The following ATP6V1C2 variants were observed in gnomAD, a reference collection of about 807,000 sequenced individuals.
ATP6V1C2 encodes V-type proton ATPase subunit C 2.
In ATP6V1C2, 45 loss-of-function variants were observed where a neutral mutation model predicts 56.8. That is an observed-to-expected ratio of 0.79 (90% CI 0.62 to 1.02). The LOEUF is 1.02. Among genes scored for constraint, ATP6V1C2 ranks in the 50% least tolerant of loss-of-function variants. The pLI is 0.00. For missense variants in ATP6V1C2, 463 were observed against 519.7 expected (o/e 0.89, Z 1.06); for synonymous variants, 220 against 201.3 (o/e 1.09, Z -0.79).
chr2:10,755,796 G>A (rs1374062191), intron 4 of ATP6V1C2, among the ~76,000 whole-genome samples: 7 of 152,108 alleles, frequency 4.6e-5, no homozygotes, highest in Non-Finnish European at 5.9e-5. Flanking sequence ...TTCAATTGCC[G>A]TCCAGTAAAA....
intron 5 of ATP6V1C2, among the ~76,000 whole-genome samples, chr2:10,764,842 A>G (rs1198841): frequency 1 from 151,464 of 152,216 alleles, 75,366 homozygotes; most frequent in Middle Eastern, 1. Context: ...GTGGTGGCGC[A>G]CACCTGTAGT....
At chr2:10,754,214 C>A in intron 4 of ATP6V1C2, 148 bp downstream of exon 4, 1 of 577,506 alleles carries the variant, frequency 1.7e-6, no homozygotes, top group Non-Finnish European at 3.1e-6. Flanking sequence ...AGGCTCTGCA[C>A]TTGCTTTTAT....
chr2:10,723,837 CAAAAA>C (rs145669254), intron 2 of ATP6V1C2, among the ~76,000 whole-genome samples: 23 of 122,942 alleles, frequency 1.9e-4, no homozygotes, highest in Non-Finnish European at 3.4e-4. Flanking sequence ...GACTCTGTCT[CAAAAA>C]AAAAAAAAAA....
At chr2:10,745,041 C>CTTTTTTTTTTTTTTTTTTTTT (rs5829274) in intron 3 of ATP6V1C2, among the ~76,000 whole-genome samples, 4 of 113,312 alleles carry the variant, frequency 3.5e-5, no homozygotes, top group East Asian at 2.6e-4. Context: ...TATTTATTTT[C>CTTTTTTTTTTTTTTTTTTTTT]TTTTTTTTTT....
At chr2:10,781,831 C>T (rs187575194) in intron 12 of ATP6V1C2, among the ~76,000 whole-genome samples, 1 of 152,326 alleles carries the variant, frequency 6.6e-6, no homozygotes, top group African/African-American at 2.4e-5. Context: ...TTCTATCTAC[C>T]CAAAAACTCA....
intron 2 of ATP6V1C2, among the ~76,000 whole-genome samples, chr2:10,725,462 G>T (rs1180207243): frequency 1.4e-5 from 2 of 146,446 alleles, no homozygotes; most frequent in Non-Finnish European, 1.5e-5. Context: ...GGGAGGAAAG[G>T]AAAAGCTGCC....
rs557868002 is a variant in ATP6V1C2 at position 10,771,793 on chromosome 2, C to G, written c.471-46C>G. 1.3e-4 allele frequency: 199 copies of G among 1,502,380 alleles called. 2 individuals are homozygous for G. The South Asian group carries it at 2.2e-3, about 16-fold the overall frequency. The allele number at this position is 1,502,380 out of a possible 1,614,324, so 93.1% of individuals were successfully genotyped here. A position where few individuals can be genotyped will look rare whatever the true frequency, so the allele number is the denominator to read the frequency against. Reference sequence around the variant, plus strand: ...GGGTGTGTGTGGGGTCACTGTGTCCCTTTCTGCTCACATCTTTCACACCCT... The same window carrying G: ...GGGTGTGTGTGGGGTCACTGTGTCCGTTTCTGCTCACATCTTTCACACCCT... On this transcript the variant is annotated intron_variant, in intron 6 of 13. Coordinates refer to ENST00000272238, the MANE Select transcript of ATP6V1C2 (RefSeq NM_001039362.2).
chr2:10,776,885 GTC>G (rs1272785750), intron 10 of ATP6V1C2, among the ~76,000 whole-genome samples: 2 of 152,228 alleles, frequency 1.3e-5, no homozygotes, highest in Non-Finnish European at 1.5e-5. Context: ...CCCTGCCAGG[GTC>G]TCTCTGTGGG....
rs778338798 is a variant in ATP6V1C2 at position 10,783,241 on chromosome 2, T to C, written c.1262T>C (p.Ile421Thr). 8.1e-6 allele frequency: 13 copies of C among 1,613,540 alleles called. No homozygotes were observed. The highest frequency in any genetic ancestry group is 2.2e-5 in the East Asian group (1 of 44,886). Reference sequence around the variant, plus strand: ...TATTTTCCTTATGTCTACTTCCATATTGACCTTAGTCTTCTTGACTAGAAA... The same window carrying C: ...TATTTTCCTTATGTCTACTTCCATACTGACCTTAGTCTTCTTGACTAGAAA... ...QDYFPYVYFHIDLSLLD is the reference protein window; with the variant it reads ...QDYFPYVYFHTDLSLLD Residue 421 changes from isoleucine (I) to threonine (T), a missense_variant, in exon 14 of 14, where the codon ATT becomes ACT. Physicochemically the swap from Ile to Thr is moderately conservative, Grantham distance 89. Transcript: ENST00000272238.
In ATP6V1C2 at chr2:10,774,831, C is replaced by G. The variant is rs1440651862; in HGVS notation, c.682C>G (p.Leu228Val). 8 of 1,614,098 alleles carry G rather than the reference C, an allele frequency of 5.0e-6. No homozygotes were observed. Among genetic ancestry groups the G allele is most frequent in the Non-Finnish European group, 6.8e-6 (8 of 1,180,048 alleles). The change falls in exon 9 of 14, where the codon CTG becomes GTG. Residue 228 changes from leucine to valine, a missense_variant. Leu to Val is a conservative substitution (Grantham distance 32). Coordinates refer to ENST00000272238, the MANE Select transcript of ATP6V1C2 (RefSeq NM_001039362.2). ...GGAAGGGGGCCTTTTCACTGTGACT[C>G]TGTTTCGAAAAGTGATTGAAGATTT... ...DKEGGLFTVT[L>V]FRKVIEDFKT...
In ATP6V1C2 at chr2:10,754,004, G is replaced by A. The variant is rs1663372251; in HGVS notation, c.221G>A (p.Ser74Asn). 4.4e-6 allele frequency: 7 copies of A among 1,607,842 alleles called. No individual in the cohort carries two copies. The highest frequency in any genetic ancestry group is 5.9e-6 in the Non-Finnish European group (7 of 1,176,530). Residue 74 changes from serine to asparagine, a missense_variant, in exon 4 of 14, where the codon AGC becomes AAC. Ser to Asn is a conservative substitution (Grantham distance 46, BLOSUM62 1). Coordinates refer to ENST00000272238, the MANE Select transcript of ATP6V1C2 (RefSeq NM_001039362.2). ...AGCCTCATAAGGAGAATGGCTCAGA[G>A]CGTGGTGGAAGTCATGGAGGACTCA... ...AESLIRRMAQ[S>N]VVEVMEDSKG... is the part of the protein sequence containing the mutation.
intron 3 of ATP6V1C2, among the ~76,000 whole-genome samples, chr2:10,731,256 A>G (rs1368620415): frequency 2.0e-5 from 3 of 152,228 alleles, no homozygotes; most frequent in Non-Finnish European, 4.4e-5. Context: ...GCCACCATTC[A>G]TAGTCTTTGA....
At chr2:10,765,344 G>A (rs568980144) in intron 5 of ATP6V1C2, among the ~76,000 whole-genome samples, 6 of 152,224 alleles carry the variant, frequency 3.9e-5, no homozygotes. Flanking sequence ...TGAGGCTGAT[G>A]GTTTCTGATG....
intron 12 of ATP6V1C2, 29 bp from the exon 13 acceptor site, chr2:10,782,214 G>T: frequency 1.9e-6 from 3 of 1,612,676 alleles, no homozygotes; most frequent in Non-Finnish European, 2.5e-6. Context: ...TTGGAGCAGT[G>T]AACTGACACA....
chr2:10,770,699 G>C (rs375529609), intron 6 of ATP6V1C2, among the ~76,000 whole-genome samples: 1 of 152,178 alleles, frequency 6.6e-6, no homozygotes, highest in Non-Finnish European at 1.5e-5. Flanking sequence ...TCATTGATTC[G>C]CAGTGACTTT....
At chr2:10,744,757 C>T (rs1240909821) in intron 3 of ATP6V1C2, among the ~76,000 whole-genome samples, 1 of 150,022 alleles carries the variant, frequency 6.7e-6, no homozygotes, top group African/African-American at 2.4e-5. Flanking sequence ...CAACCTCTGC[C>T]TCCTGGGTTC....
At chr2:10,765,957 C>T (rs914430060) in intron 5 of ATP6V1C2, among the ~76,000 whole-genome samples, 1 of 152,190 alleles carries the variant, frequency 6.6e-6, no homozygotes. Flanking sequence ...TGGTGGCATT[C>T]CAGATGTGCC....
chr2:10,758,084 T>G (rs1239154155), intron 4 of ATP6V1C2, among the ~76,000 whole-genome samples: 7 of 152,204 alleles, frequency 4.6e-5, no homozygotes, highest in African/African-American at 1.7e-4. Context: ...CACACTGAGA[T>G]TTTTTGCTGA....
intron 3 of ATP6V1C2, among the ~76,000 whole-genome samples, chr2:10,751,287 C>T (rs1663198436): frequency 6.6e-6 from 1 of 152,038 alleles, no homozygotes; most frequent in Admixed American, 6.5e-5. Flanking sequence ...GCAGAGAACC[C>T]AAAACAGTCC....
Sources: gnomAD v4.1 joint callset for allele counts (sites outside exome capture counted in the v4.1 genomes callset) on GRCh38, gnomAD v4.1.1 for gene constraint, MANE v1.5 for transcripts, NCBI Gene and HGNC (gene_info 2026-07-23, HGNC 2026-07-21) for gene names.